CDH13: variants seen among roughly 807,000 people sequenced by gnomAD.
The protein encoded by CDH13 is cadherin 13.
Under a neutral mutation model 63.8 loss-of-function variants are expected in CDH13, and 24 were observed. The ratio of observed to expected loss-of-function variants is 0.38; its 90% CI spans 0.27 to 0.53. CDH13 has a LOEUF of 0.53. Among genes scored for constraint, CDH13 ranks in the 20% least tolerant of loss-of-function variants. The pLI, the probability that CDH13 is intolerant of heterozygous loss-of-function variation, is 0.85. For missense variants in CDH13, 1,049 were observed against 903.1 expected (o/e 1.16, Z -2.07); for synonymous variants, 503 against 355.3 (o/e 1.42, Z -4.67).
intron 3 of CDH13, among the ~76,000 whole-genome samples, chr16:83,037,155 A>G (rs543841790): frequency 1.4e-3 from 212 of 152,234 alleles, no homozygotes; most frequent in Non-Finnish European, 2.4e-3. Flanking sequence ...AGCTACTACT[A>G]TTTTTTGAGA....
chr16:83,472,783 C>T (rs2073490500), intron 6 of CDH13, among the ~76,000 whole-genome samples: 1 of 152,180 alleles, frequency 6.6e-6, no homozygotes, highest in Non-Finnish European at 1.5e-5. Context: ...ATCGAATCTC[C>T]TTTTGCTCCT....
Position 83,217,742 on chromosome 16 carries a change from G to A in CDH13, c.636+245G>A, listed in dbSNP as rs142809867. Among the ~76,000 whole-genome samples, 1,162 of 152,240 alleles carry A rather than the reference G, an allele frequency of 7.6e-3. 6 individuals are homozygous for A. The highest frequency in any genetic ancestry group is 0.034 in the Middle Eastern group (10 of 294). The stretch of plus-strand genomic sequence containing the variant: ...CTTTGGGTACCAGAGACCAAGAAGG[G>A]AGACCCTGGGGGCATCTCAGAGGAG... On this transcript the variant is annotated intron_variant, in intron 5 of 13. Transcript: ENST00000567109.
chr16:83,318,526 T>G (rs1317547502), intron 5 of CDH13, among the ~76,000 whole-genome samples: 1 of 152,240 alleles, frequency 6.6e-6, no homozygotes, highest in Non-Finnish European at 1.5e-5. Flanking sequence ...TGATTCTGTC[T>G]GCTACACGTA....
At chr16:83,021,299 A>C (rs1915324452) in intron 2 of CDH13, among the ~76,000 whole-genome samples, 1 of 152,212 alleles carries the variant, frequency 6.6e-6, no homozygotes, top group Admixed American at 6.5e-5. Flanking sequence ...TGTGTCAAGC[A>C]CTGTGCTATA....
chr16:83,170,490 A>G (rs1244036215), intron 4 of CDH13, among the ~76,000 whole-genome samples: 1 of 152,174 alleles, frequency 6.6e-6, no homozygotes, highest in African/African-American at 2.4e-5. Context: ...AAAGCGTGAG[A>G]AACTCACCAA....
chr16:82,685,483 T>TGG (rs1325188406), intron 1 of CDH13, among the ~76,000 whole-genome samples: 1 of 152,146 alleles, frequency 6.6e-6, no homozygotes, highest in Admixed American at 6.5e-5. Context: ...ATATGGATGT[T>TGG]GGGGGGAATA....
At chr16:83,027,832 G>T (rs1314766429) in intron 2 of CDH13, among the ~76,000 whole-genome samples, 4 of 152,150 alleles carry the variant, frequency 2.6e-5, no homozygotes, top group Admixed American at 2.6e-4. Context: ...CTTTGCATAT[G>T]TTATGGTTTT....
intron 6 of CDH13, among the ~76,000 whole-genome samples, chr16:83,400,181 T>A (rs1335175746): frequency 6.6e-6 from 1 of 151,432 alleles, no homozygotes; most frequent in African/African-American, 2.4e-5. Flanking sequence ...TTAGAGGGAG[T>A]CTTGGGACTC....
At chr16:83,029,890 G>C (rs1050508124) in intron 2 of CDH13, among the ~76,000 whole-genome samples, 2 of 152,146 alleles carry the variant, frequency 1.3e-5, no homozygotes, top group Admixed American at 6.6e-5. Context: ...AAACAAATAA[G>C]CCTGTTCAGC....
intron 11 of CDH13, among the ~76,000 whole-genome samples, chr16:83,767,043 G>A (rs778233398): frequency 7.2e-5 from 11 of 152,024 alleles, no homozygotes; most frequent in South Asian, 2.1e-4. Flanking sequence ...ACCCAGTCTC[G>A]GGCAATTCTT....
chr16:82,855,694 G>A (rs866885068), intron 1 of CDH13, among the ~76,000 whole-genome samples: 4 of 152,260 alleles, frequency 2.6e-5, no homozygotes, highest in East Asian at 1.9e-4. Context: ...AAGCGGAACC[G>A]TACAGATGCC....
chr16:83,490,099 G>A lies in CDH13; in HGVS notation c.960+3444G>A, dbSNP rs528908073. 3.9e-5 allele frequency among the ~76,000 whole-genome samples: 6 copies of A among 152,106 alleles called. No individual in the cohort carries two copies. In the East Asian group the frequency reaches 1.2e-3, roughly 29 times the overall value. ...CCTGAATGAGGGACAAAGCAAACGT[G>A]TGTTTCCTGGCTTGTTGGGAGTGGA... On this transcript the variant is annotated intron_variant, in intron 7 of 13. Transcript: ENST00000567109.
intron 2 of CDH13, among the ~76,000 whole-genome samples, chr16:82,985,348 C>T (rs923708225): frequency 4.0e-5 from 6 of 151,688 alleles, no homozygotes; most frequent in African/African-American, 7.3e-5. Flanking sequence ...GAAAGCAGAA[C>T]TCTGCTCAGA....
chr16:83,329,223 G>A (rs953215979), intron 5 of CDH13, among the ~76,000 whole-genome samples: 5 of 152,010 alleles, frequency 3.3e-5, no homozygotes, highest in African/African-American at 1.2e-4. Flanking sequence ...AGGGTTTCTT[G>A]TTTTGTTTTG....
chr16:83,652,071 C>T (rs1335979679), intron 8 of CDH13, among the ~76,000 whole-genome samples: 2 of 152,154 alleles, frequency 1.3e-5, no homozygotes, highest in Admixed American at 6.5e-5. Flanking sequence ...ATTTATTCTC[C>T]CTCTGGGACT....
intron 1 of CDH13, among the ~76,000 whole-genome samples, chr16:82,793,245 C>G (rs1384533273): frequency 6.6e-6 from 1 of 152,090 alleles, no homozygotes; most frequent in African/African-American, 2.4e-5. Flanking sequence ...TTTCAATCAA[C>G]CTGTGAGAAG....
At chr16:83,757,887 G>A (rs72801009) in intron 11 of CDH13, among the ~76,000 whole-genome samples, 4,821 of 152,062 alleles carry the variant, frequency 0.032, 111 homozygotes, top group East Asian at 0.069. Context: ...CCAGCACTTT[G>A]GAGGCCGAGG....
intron 6 of CDH13, among the ~76,000 whole-genome samples, chr16:83,371,903 G>GA (rs1175344162): frequency 6.6e-6 from 1 of 151,846 alleles, no homozygotes; most frequent in Admixed American, 6.6e-5. Flanking sequence ...ACATTGTCCA[G>GA]AAAAAAAATA....
intron 8 of CDH13, among the ~76,000 whole-genome samples, chr16:83,623,411 G>T (rs1909993068): frequency 6.6e-6 from 1 of 152,170 alleles, no homozygotes; most frequent in Admixed American, 6.5e-5. Context: ...ATTGCAATCG[G>T]TTTCTGCGTC....
Sources: allele counts gnomAD v4.1 joint callset (sites outside exome capture counted in the v4.1 genomes callset), GRCh38; gene constraint gnomAD v4.1.1; transcripts MANE v1.5; gene names NCBI Gene and HGNC (gene_info 2026-07-23, HGNC 2026-07-21).